The following GIT2 variants were observed in gnomAD, a reference collection of about 807,000 sequenced individuals.
GIT2 encodes GIT ArfGAP 2.
In GIT2, 32 loss-of-function variants were observed where a neutral mutation model predicts 100.3. That is an observed-to-expected ratio of 0.32 (90% CI 0.24 to 0.43). The LOEUF (loss-of-function observed/expected upper bound fraction) is 0.43. Among genes scored for constraint, GIT2 ranks in the 20% least tolerant of loss-of-function variants. GIT2 has a pLI of 1.00. For missense variants in GIT2, 737 were observed against 975.1 expected (o/e 0.76, Z 3.25); for synonymous variants, 353 against 364.1 (o/e 0.97, Z 0.35).
chr12:109,968,353 T>C (rs59185664), intron 7 of GIT2, among the ~76,000 whole-genome samples: 11,017 of 152,180 alleles, frequency 0.072, 1,075 homozygotes, highest in African/African-American at 0.23. Flanking sequence ...TTTTTTGCCA[T>C]CCCATATCTT....
intron 17 of GIT2, chr12:109,938,861 C>G: frequency 2.0e-6 from 1 of 488,388 alleles, no homozygotes; most frequent in South Asian, 3.1e-5. Context: ...GGGCCAACTC[C>G]TTGGGTACAA....
rs748850717 is a variant in GIT2 at position 109,947,451 on chromosome 12, A to G, written c.1446T>C (p.Asn482=). ...CAGAACCAGTTTGCACCTGATATACATTGGTTGTGGCCTGTTTCCTGAGGT... is the reference window on the plus strand; with the variant it reads ...CAGAACCAGTTTGCACCTGATATACGTTGGTTGTGGCCTGTTTCCTGAGGT... ...NSNLRKQATT[N]VYQVQTGSEY... is the part of the protein sequence containing the mutation. Residue 482 remains asparagine (N), a synonymous_variant, in exon 15 of 20, where the codon AAT becomes AAC. Coordinates refer to ENST00000355312, the MANE Select transcript of GIT2 (RefSeq NM_057169.5). The surrounding 1 kb of genome is among the most constrained non-coding windows in gnomAD (Gnocchi z 4.3). 6.2e-7 allele frequency: 1 copy of G among 1,613,722 alleles called. No homozygotes were observed. Among genetic ancestry groups the G allele is most frequent in the Non-Finnish European group, 8.5e-7 (1 of 1,179,628 alleles).
rs796315656 is a variant in GIT2, at chr12:109,933,609, CT to C, written c.2067+412del. On this transcript the variant is annotated intron_variant, in intron 19 of 19. Transcript: ENST00000355312. The surrounding 1 kb of genome is among the most constrained non-coding windows in gnomAD (Gnocchi z 4.5). Reference sequence around the variant, plus strand: ...CGACTGCATATTTTATTTTATTTTACTTTTTTTTGAGACTTGAGTTTCACTC... The same window carrying C: ...CGACTGCATATTTTATTTTATTTTACTTTTTTTGAGACTTGAGTTTCACTC... The C allele has an allele frequency of 7.9e-5, 16 of 203,034 alleles. No homozygotes were observed. The highest frequency in any genetic ancestry group is 2.0e-4 in the South Asian group (2 of 10,164). The allele number at this position is 203,034 out of a possible 1,614,324, so 12.6% of individuals were successfully genotyped here.
chr12:109,977,109 C>T (rs954816332), intron 7 of GIT2, among the ~76,000 whole-genome samples: 3 of 151,994 alleles, frequency 2.0e-5, no homozygotes, highest in African/African-American at 7.3e-5. Context: ...TTAGAATGTC[C>T]TTATTTTGCC....
At position 109,965,497 on chromosome 12, in the gene GIT2, A is replaced by G. The variant is rs1291291799; in HGVS notation, c.816+29T>C. On this transcript the variant is annotated intron_variant, in intron 9 of 19. Coordinates refer to ENST00000355312, the MANE Select transcript of GIT2 (RefSeq NM_057169.5). ...AGCAGGGTGCACTGATTCTCATACT[A>G]GAGAAAACCAGTACAGAGAAATACT... 5.1e-6 allele frequency: 7 copies of G among 1,385,310 alleles called. No individual in the cohort carries two copies. In the Admixed American group the frequency reaches 9.1e-5, roughly 18 times the overall value. 85.8% of individuals were successfully genotyped at this position (1,385,310 alleles called of 1,614,324 possible). A position where few individuals can be genotyped will look rare whatever the true frequency, so the allele number is the denominator to read the frequency against.
At chr12:109,955,695 G>C (rs1041171582) in intron 12 of GIT2, among the ~76,000 whole-genome samples, 3 of 151,894 alleles carry the variant, frequency 2.0e-5, no homozygotes, top group African/African-American at 4.8e-5. Flanking sequence ...AGCACTTCAG[G>C]ACTATGCTTG....
rs59278403 is a variant in GIT2, at chr12:109,934,844, A to C, written c.2004-759T>G. On this transcript the variant is annotated intron_variant, in intron 18 of 19. Transcript: ENST00000355312. The surrounding 1 kb of genome is among the most constrained non-coding windows in gnomAD (Gnocchi z 4.5). Reference sequence around the variant, plus strand: ...TAATCCCAGCACTTTGGGAGGCCAAAGCGGGCGGATCACCTGAGGTCAGGA... The same window carrying C: ...TAATCCCAGCACTTTGGGAGGCCAACGCGGGCGGATCACCTGAGGTCAGGA... Among the ~76,000 whole-genome samples, 2 of 152,074 alleles carry C rather than the reference A, an allele frequency of 1.3e-5. No individual in the cohort carries two copies. The highest frequency in any genetic ancestry group is 4.8e-5 in the African/African-American group (2 of 41,376).
At chr12:109,976,370 C>T (rs1350962033) in intron 7 of GIT2, among the ~76,000 whole-genome samples, 6 of 148,546 alleles carry the variant, frequency 4.0e-5, no homozygotes, top group African/African-American at 9.9e-5. Flanking sequence ...CTACAAGCTC[C>T]GCCTCCCGGG....
chr12:109,976,134 ACAC>A (rs1884991371), intron 7 of GIT2, among the ~76,000 whole-genome samples: 1 of 151,720 alleles, frequency 6.6e-6, no homozygotes, highest in Non-Finnish European at 1.5e-5. Context: ...ACACACACAC[ACAC>A]AACTTTTCAC....
intron 7 of GIT2, among the ~76,000 whole-genome samples, chr12:109,977,764 G>A (rs1247023262): frequency 6.6e-6 from 1 of 152,096 alleles, no homozygotes; most frequent in East Asian, 1.9e-4. Flanking sequence ...GGAGGTTTCA[G>A]TGAGCCAAGA....
intron 18 of GIT2, among the ~76,000 whole-genome samples, chr12:109,936,787 T>G (rs1873130738): frequency 6.6e-6 from 1 of 151,976 alleles, no homozygotes; most frequent in African/African-American, 2.4e-5. Context: ...GGAGGATCGC[T>G]TGAGCCAAGG....
chr12:109,956,960 G>A (rs1208438380), intron 12 of GIT2, among the ~76,000 whole-genome samples: 1 of 151,790 alleles, frequency 6.6e-6, no homozygotes, highest in African/African-American at 2.4e-5. Context: ...AGAGGTTGCA[G>A]TGAGCCAAGA....
chr12:109,983,574 G>A (rs372025388), intron 5 of GIT2, 34 bp downstream of exon 5: 203 of 1,590,084 alleles, frequency 1.3e-4, no homozygotes, highest in Non-Finnish European at 1.7e-4. Flanking sequence ...AACTCACTTA[G>A]TTTCAATATC....
At chr12:109,953,515 T>A (rs1878496163) in intron 12 of GIT2, 1 of 294,858 alleles carries the variant, frequency 3.4e-6, no homozygotes, top group Non-Finnish European at 6.4e-6. Context: ...AGCTACTAGC[T>A]ACTCAGGAGG....
Position 109,948,861 on chromosome 12 carries a change from A to G in GIT2, c.1393-1357T>C. The G allele has an allele frequency of 6.4e-7, 1 of 1,563,372 alleles. No homozygotes were observed. The highest frequency in any genetic ancestry group is 8.8e-7 in the Non-Finnish European group (1 of 1,137,552). On this transcript the variant is annotated intron_variant, in intron 14 of 19. Transcript: ENST00000355312. This position sits in a 1 kb window ranked among gnomAD's most constrained non-coding sequence, Gnocchi z 4.3. ...TTTCCAAGCAACTGTTAAATGTGAA[A>G]GATCAGATACAAATCATGCTACTTT...
intron 8 of GIT2, 48 bp downstream of exon 8, chr12:109,967,410 G>A (rs1882768519): frequency 6.6e-7 from 1 of 1,510,434 alleles, no homozygotes; most frequent in East Asian, 2.3e-5. Context: ...ATACAACCAA[G>A]GAAATATTAG....
At chr12:109,969,162 C>CTTTT (rs71079595) in intron 7 of GIT2, among the ~76,000 whole-genome samples, 31 of 89,068 alleles carry the variant, frequency 3.5e-4, no homozygotes, top group African/African-American at 8.5e-4. Flanking sequence ...AAAACTTTTC[C>CTTTT]TTTTTTTTTT....
chr12:109,976,105 T>TACACACAC (rs145928011), intron 7 of GIT2, among the ~76,000 whole-genome samples: 75 of 149,122 alleles, frequency 5.0e-4, no homozygotes, highest in African/African-American at 1.8e-3. Flanking sequence ...GAAATTACTA[T>TACACACAC]ACACACACAC....
At chr12:109,994,420 C>T (rs1427019914) in intron 1 of GIT2, among the ~76,000 whole-genome samples, 1 of 152,136 alleles carries the variant, frequency 6.6e-6, no homozygotes, top group African/African-American at 2.4e-5. Context: ...GGGAGAAGGC[C>T]TTAGCATTCA....
Sources: gnomAD v4.1 joint callset for allele counts (sites outside exome capture counted in the v4.1 genomes callset) on GRCh38, gnomAD v4.1.1 for gene constraint, Gnocchi (gnomAD v3.1) non-coding constraint, MANE v1.5 for transcripts, NCBI Gene and HGNC (gene_info 2026-07-23, HGNC 2026-07-21) for gene names.